Variants in DDI2 observed in about 807,000 individuals in gnomAD.
DDI2 encodes protein DDI1 homolog 2.
A neutral mutation model predicts 48.1 loss-of-function variants in DDI2; 5 were observed. The ratio of observed to expected loss-of-function variants is 0.10; its 90% CI spans 0.05 to 0.22. DDI2 has a LOEUF of 0.22. Among genes scored for constraint, DDI2 ranks in the 10% least tolerant of loss-of-function variants. The pLI is 1.00. For synonymous variants in DDI2, 205 were observed against 183.6 expected (o/e 1.12, Z -0.94); for missense variants, 285 against 506.2 (o/e 0.56, Z 4.19).
intron 5 of DDI2, among the ~76,000 whole-genome samples, 181 bp downstream of exon 5, chr1:15,638,615 A>G (rs1422971958): frequency 1.4e-5 from 2 of 147,296 alleles, no homozygotes; most frequent in Non-Finnish European, 3.0e-5. Flanking sequence ...GCTCACTGCA[A>G]CCTCTGTCTC....
At chr1:15,618,146 A>C (rs944943650) in intron 1 of DDI2, among the ~76,000 whole-genome samples, 1 of 151,730 alleles carries the variant, frequency 6.6e-6, no homozygotes, top group African/African-American at 2.4e-5. Context: ...CGAGTGTAGG[A>C]TATCGTTGTG....
In DDI2 at chr1:15,633,542, G is replaced by A. The variant is rs1264771351; in HGVS notation, c.609G>A (p.Gln203=). Reference sequence around the variant, plus strand: ...CTGATCCCTTTGACCTTGAAGCTCAGGCAAAGATAGAAGAAGATATAAGGT... The same window carrying A: ...CTGATCCCTTTGACCTTGAAGCTCAAGCAAAGATAGAAGAAGATATAAGGT... ...FSADPFDLEA[Q]AKIEEDIRQQ... is the part of the protein sequence containing the mutation. The change falls in exon 4 of 10, where the codon CAG becomes CAA. Residue 203 remains glutamine (Q), a synonymous_variant. Coordinates refer to ENST00000480945, the MANE Select transcript of DDI2 (RefSeq NM_032341.5). 2 of 1,613,342 alleles carry A rather than the reference G, an allele frequency of 1.2e-6. No individual in the cohort carries two copies. The highest frequency in any genetic ancestry group is 1.7e-6 in the Non-Finnish European group (2 of 1,179,534).
At chr1:15,627,222 GAGCTGC>G (rs1408701070) in intron 2 of DDI2, among the ~76,000 whole-genome samples, 1 of 152,168 alleles carries the variant, frequency 6.6e-6, no homozygotes, top group Non-Finnish European at 1.5e-5. Flanking sequence ...CAGGCACTTG[GAGCTGC>G]ATTTCACATG....
In DDI2 at chr1:15,636,867, A is replaced by G. The variant is rs548046113; in HGVS notation, c.633-1440A>G. Among the ~76,000 whole-genome samples, 25 of 152,390 alleles carry G rather than the reference A, an allele frequency of 1.6e-4. No individual in the cohort carries two copies. In the South Asian group the frequency reaches 4.8e-3, roughly 29 times the overall value. On this transcript the variant is annotated intron_variant, in intron 4 of 9. Transcript: ENST00000480945. ...CCGCCACTGCCATGTGAAAGCAGCC[A>G]TAGACAATAGGACAATATGTAAATG... is the stretch of plus-strand genomic sequence containing the variant.
At chr1:15,638,178 T>C (rs1343525701) in intron 4 of DDI2, 129 bp from the exon 5 acceptor site, 1 of 1,342,794 alleles carries the variant, frequency 7.4e-7, no homozygotes, top group African/African-American at 1.5e-5. Flanking sequence ...CACCAATTTT[T>C]CTATGACTCG....
intron 1 of DDI2, among the ~76,000 whole-genome samples, chr1:15,626,356 G>GA (rs990005438): frequency 2.0e-5 from 3 of 152,070 alleles, no homozygotes; most frequent in African/African-American, 7.2e-5. Context: ...GACGTAAAAG[G>GA]AAAAAAATGA....
chr1:15,641,105 G>A (rs2103471667), intron 5 of DDI2, among the ~76,000 whole-genome samples: 1 of 152,324 alleles, frequency 6.6e-6, no homozygotes, highest in Non-Finnish European at 1.5e-5. Flanking sequence ...GGTGATGGTG[G>A]TTTGAAACTA....
rs1290984734 is a variant in DDI2, at chr1:15,667,800, C to T, written c.*8010C>T. ...GAGGTTTACAGTTAGAAAATGTTCT[C>T]AAAGGTTTATCAGTTATGTATTGAT... On this transcript the variant is annotated 3_prime_UTR_variant, in exon 10 of 10. Coordinates refer to ENST00000480945, the MANE Select transcript of DDI2 (RefSeq NM_032341.5). The T allele has an allele frequency of 6.6e-6, 1 of 152,142 alleles. No individual in the cohort carries two copies. Among genetic ancestry groups the T allele is most frequent in the African/African-American group, 2.4e-5 (1 of 41,418 alleles). The allele number at this position is 152,142 out of a possible 1,614,324, so 9.4% of individuals were successfully genotyped here.
chr1:15,623,388 T>C (rs12751599), intron 1 of DDI2, among the ~76,000 whole-genome samples: 2 of 60,936 alleles, frequency 3.3e-5, no homozygotes, highest in Non-Finnish European at 6.3e-5. Context: ...TTTCTTCTTC[T>C]TTTTTTTTTT....
At chr1:15,633,953 C>T (rs1570973345) in intron 4 of DDI2, 3 of 386,724 alleles carry the variant, frequency 7.8e-6, no homozygotes, top group Non-Finnish European at 1.5e-5. Context: ...TGTATAAGTC[C>T]TGATTAAATC....
In DDI2 at chr1:15,663,427, A is replaced by C. The variant is rs1304545304; in HGVS notation, c.*3637A>C. ...TATGTTATAAGACTTTAGTGATGGG[A>C]TGGCGTGTCACGTAGATTCATCATG... On this transcript the variant is annotated 3_prime_UTR_variant, in exon 10 of 10. Coordinates refer to ENST00000480945, the MANE Select transcript of DDI2 (RefSeq NM_032341.5). 1 of 152,142 alleles carries C rather than the reference A, an allele frequency of 6.6e-6. No homozygotes were observed. The highest frequency in any genetic ancestry group is 1.5e-5 in the Non-Finnish European group (1 of 68,022). 9.4% of individuals were successfully genotyped at this position (152,142 alleles called of 1,614,324 possible).
In DDI2 at chr1:15,660,747, A is replaced by T; in HGVS notation, c.*957A>T. 6.2e-7 allele frequency: 1 copy of T among 1,613,888 alleles called. No individual in the cohort carries two copies. The highest frequency in any genetic ancestry group is 2.2e-5 in the East Asian group (1 of 44,888). On this transcript the variant is annotated 3_prime_UTR_variant, in exon 10 of 10. Transcript: ENST00000480945. Reference sequence around the variant, plus strand: ...CCTTGATGGAAGTAGAAACATCAAAATGTAACCCTTCATCTGAAATTTTGA... The same window carrying T: ...CCTTGATGGAAGTAGAAACATCAAATTGTAACCCTTCATCTGAAATTTTGA...
chr1:15,619,659 C>T (rs974198961), intron 1 of DDI2, among the ~76,000 whole-genome samples: 1 of 151,502 alleles, frequency 6.6e-6, no homozygotes, highest in Non-Finnish European at 1.5e-5. Flanking sequence ...GAAGGGGTTT[C>T]ACCATGTTAG....
chr1:15,630,530 C>G lies in DDI2; in HGVS notation c.474C>G (p.Pro158=), dbSNP rs141031535. The G allele has an allele frequency of 4.0e-3, 6,457 of 1,613,966 alleles. 18 individuals carry two copies. The highest frequency in any genetic ancestry group is 4.8e-3 in the Non-Finnish European group (5,696 of 1,179,840). The change falls in exon 3 of 10, where the codon CCC becomes CCG. Residue 158 remains proline (P), a synonymous_variant. Coordinates refer to ENST00000480945, the MANE Select transcript of DDI2 (RefSeq NM_032341.5). ...ELSLLKERNP[P]LAEALLSGDL... ...CCTTGCTGAAGGAACGCAATCCACC[C>G]CTGGCAGAAGCTCTGCTCAGTGGAG...
chr1:15,631,278 G>A (rs1639840223), intron 3 of DDI2, among the ~76,000 whole-genome samples: 1 of 152,132 alleles, frequency 6.6e-6, no homozygotes, highest in African/African-American at 2.4e-5. Context: ...TCCACTCCAA[G>A]TTATTTTTTG....
rs1377003060 is a variant in DDI2, at chr1:15,668,947, CTTTAT to C, written c.*9166_*9170del. The C allele has an allele frequency of 1.3e-5, 2 of 152,256 alleles. No individual in the cohort carries two copies. The highest frequency in any genetic ancestry group is 3.9e-4 in the East Asian group (2 of 5,186). The allele number at this position is 152,256 out of a possible 1,614,324, so 9.4% of individuals were successfully genotyped here. A position where few individuals can be genotyped will look rare whatever the true frequency, so the allele number is the denominator to read the frequency against. On this transcript the variant is annotated 3_prime_UTR_variant, in exon 10 of 10. Transcript: ENST00000480945. ...AAGTCAGCCCTAAATAATCAAAACA[CTTTAT>C]TTTATTTTTCTTTTTTTAAATAGGA...
intron 5 of DDI2, among the ~76,000 whole-genome samples, chr1:15,641,060 T>G (rs1639999745): frequency 6.6e-6 from 1 of 152,104 alleles, no homozygotes; most frequent in African/African-American, 2.4e-5. Context: ...TGGAAAGAAA[T>G]GGTGGAGCCA....
chr1:15,643,935 A>AT (rs1640047490), intron 6 of DDI2, among the ~76,000 whole-genome samples: 1 of 152,114 alleles, frequency 6.6e-6, no homozygotes, highest in Admixed American at 6.5e-5. Flanking sequence ...ATTTATTTTT[A>AT]TACTTACCTC....
At chr1:15,625,665 G>A (rs1471988057) in intron 1 of DDI2, among the ~76,000 whole-genome samples, 2 of 152,074 alleles carry the variant, frequency 1.3e-5, no homozygotes, top group African/African-American at 4.8e-5. Flanking sequence ...TGCTTGCCCA[G>A]GCTAGGGTGC....
Sources: gnomAD v4.1 joint callset for allele counts (sites outside exome capture counted in the v4.1 genomes callset) on GRCh38, gnomAD v4.1.1 for gene constraint, MANE v1.5 for transcripts, NCBI Gene and HGNC (gene_info 2026-07-23, HGNC 2026-07-21) for gene names.